Variants in SNX29 observed in about 807,000 individuals in gnomAD.
SNX29 encodes sorting nexin-29.
SNX29 carries 78 observed loss-of-function variants against 102.1 expected under a neutral mutation model. The ratio of observed to expected loss-of-function variants is 0.76; its 90% CI spans 0.64 to 0.92. SNX29 has a LOEUF of 0.92. Among genes scored for constraint, SNX29 ranks in the 40% least tolerant of loss-of-function variants. The pLI is 0.00. For missense variants in SNX29, 1,280 were observed against 1,061.7 expected (o/e 1.21, Z -2.86); for synonymous variants, 580 against 414.5 (o/e 1.40, Z -4.85).
intron 13 of SNX29, among the ~76,000 whole-genome samples, chr16:12,135,290 A>G (rs1170640733): frequency 6.6e-6 from 1 of 152,204 alleles, no homozygotes; most frequent in Non-Finnish European, 1.5e-5. Flanking sequence ...GATATGCAAA[A>G]TTAACCATCA....
In SNX29 at chr16:12,570,241, C is replaced by G; in HGVS notation, c.*1612C>G. 9.4e-7 allele frequency: 1 copy of G among 1,065,280 alleles called. No individual in the cohort carries two copies. Among genetic ancestry groups the G allele is most frequent in the Non-Finnish European group, 1.1e-6 (1 of 879,282 alleles). The allele number at this position is 1,065,280 out of a possible 1,614,324, so 66.0% of individuals were successfully genotyped here. A position where few individuals can be genotyped will look rare whatever the true frequency, so the allele number is the denominator to read the frequency against. On this transcript the variant is annotated 3_prime_UTR_variant, in exon 21 of 21. Transcript: ENST00000566228. Reference sequence around the variant, plus strand: ...CAGATAAGCCCTGCCCCGGTGAGACCAAATGAGCTGGAGCATGTATGGAGG... The same window carrying G: ...CAGATAAGCCCTGCCCCGGTGAGACGAAATGAGCTGGAGCATGTATGGAGG...
At chr16:12,415,152 G>C (rs1220112944) in intron 18 of SNX29, among the ~76,000 whole-genome samples, 2 of 152,248 alleles carry the variant, frequency 1.3e-5, no homozygotes, top group Non-Finnish European at 2.9e-5. Context: ...CAGCTTGCTT[G>C]TGTGCCCTGG....
chr16:12,289,628 C>G (rs556412866), intron 15 of SNX29, among the ~76,000 whole-genome samples: 2 of 152,240 alleles, frequency 1.3e-5, no homozygotes, highest in South Asian at 2.1e-4. Context: ...GGAGTACTTG[C>G]GAACGAACAG....
chr16:12,562,109 T>G (rs556456718), intron 20 of SNX29, among the ~76,000 whole-genome samples: 3 of 152,154 alleles, frequency 2.0e-5, no homozygotes, highest in Non-Finnish European at 4.4e-5. Context: ...CTAAGGCCGT[T>G]CACTCTCCTG....
chr16:12,473,253 A>C (rs778844933), intron 18 of SNX29, among the ~76,000 whole-genome samples: 6 of 152,220 alleles, frequency 3.9e-5, no homozygotes, highest in Non-Finnish European at 8.8e-5. Flanking sequence ...TGTTTGAAGC[A>C]CTGTTGTTGT....
intron 20 of SNX29, chr16:12,546,752 AT>A (rs2077630472): frequency 1.4e-5 from 2 of 145,004 alleles, no homozygotes; most frequent in Non-Finnish European, 3.0e-5. Flanking sequence ...AAAATTAGAC[AT>A]TTAAACAGCT....
intron 11 of SNX29, among the ~76,000 whole-genome samples, chr16:12,101,213 A>G (rs1485530891): frequency 2.0e-5 from 3 of 151,024 alleles, no homozygotes; most frequent in South Asian, 2.1e-4. Context: ...TGAAGGGAGC[A>G]GCCTATTTTG....
chr16:12,518,282 T>C (rs942400024), intron 19 of SNX29, among the ~76,000 whole-genome samples: 1 of 152,176 alleles, frequency 6.6e-6, no homozygotes, highest in Admixed American at 6.5e-5. Context: ...TGTTCACTGG[T>C]CTACGTGGCT....
intron 19 of SNX29, among the ~76,000 whole-genome samples, chr16:12,505,776 A>AAAAAAAAAAAAAAAG (rs2089349009): frequency 6.6e-6 from 1 of 150,838 alleles, no homozygotes; most frequent in African/African-American, 2.4e-5. Flanking sequence ...AAAAAAAAAA[A>AAAAAAAAAAAAAAAG]AAAAAAAGGC....
chr16:12,432,545 G>T (rs1266857815), intron 18 of SNX29, among the ~76,000 whole-genome samples: 3 of 152,208 alleles, frequency 2.0e-5, no homozygotes, highest in Non-Finnish European at 4.4e-5. Context: ...ATCCTAAGAA[G>T]GGGGATGGCA....
intron 15 of SNX29, among the ~76,000 whole-genome samples, chr16:12,301,511 C>T (rs1008025713): frequency 1.3e-5 from 2 of 152,256 alleles, no homozygotes; most frequent in African/African-American, 4.8e-5. Context: ...GAGGCCTTCC[C>T]TGGCAGTCCA....
At chr16:12,129,792 G>C (rs769911977) in intron 13 of SNX29, 34 bp downstream of exon 13, 1 of 1,567,446 alleles carries the variant, frequency 6.4e-7, no homozygotes, top group Non-Finnish European at 8.7e-7. Context: ...AGGTAAGCAC[G>C]TGGGGGCTTC....
intron 16 of SNX29, chr16:12,372,900 C>G (rs1031639526): frequency 6.6e-6 from 1 of 152,132 alleles, no homozygotes; most frequent in Admixed American, 6.5e-5. Context: ...ACACTCCTAC[C>G]TGCAGACAGG....
At chr16:12,159,646 G>T (rs982069125) in intron 13 of SNX29, among the ~76,000 whole-genome samples, 2 of 152,142 alleles carry the variant, frequency 1.3e-5, no homozygotes, top group Non-Finnish European at 2.9e-5. Context: ...AATCACTTGA[G>T]CCCAGAAGTT....
chr16:12,563,482 A>C (rs146390604), intron 20 of SNX29, among the ~76,000 whole-genome samples: 31 of 152,332 alleles, frequency 2.0e-4, no homozygotes, highest in African/African-American at 7.0e-4. Flanking sequence ...GGCTCAAGGA[A>C]TAGGGCTATT....
At chr16:12,450,404 A>G (rs2086251504) in intron 18 of SNX29, among the ~76,000 whole-genome samples, 3 of 152,184 alleles carry the variant, frequency 2.0e-5, no homozygotes, top group Non-Finnish European at 2.9e-5. Context: ...GGAAGCTGCA[A>G]ATGGGATCAA....
At chr16:12,293,337 G>A (rs565336127) in intron 15 of SNX29, among the ~76,000 whole-genome samples, 4 of 152,312 alleles carry the variant, frequency 2.6e-5, no homozygotes, top group Non-Finnish European at 4.4e-5. Flanking sequence ...AGAATATCCC[G>A]AGTTGCATAG....
At chr16:12,300,805 G>A (rs1388878877) in intron 15 of SNX29, among the ~76,000 whole-genome samples, 4 of 152,108 alleles carry the variant, frequency 2.6e-5, no homozygotes, top group South Asian at 2.1e-4. Context: ...AGGCTGTTCC[G>A]CATGTTGCAG....
intron 15 of SNX29, among the ~76,000 whole-genome samples, chr16:12,298,671 C>T (rs1360173631): frequency 1.3e-5 from 2 of 152,180 alleles, no homozygotes; most frequent in Non-Finnish European, 2.9e-5. Flanking sequence ...CTCTTACTTT[C>T]CTCTCTAGAA....
Sources: allele counts gnomAD v4.1 joint callset (sites outside exome capture counted in the v4.1 genomes callset), GRCh38; gene constraint gnomAD v4.1.1; transcripts MANE v1.5; gene names NCBI Gene and HGNC (gene_info 2026-07-23, HGNC 2026-07-21).